Variants in CNTNAP5 observed in about 807,000 individuals in gnomAD.
CNTNAP5 encodes the protein contactin associated protein family member 5.
A neutral mutation model predicts 150.2 loss-of-function variants in CNTNAP5; 72 were observed. The observed-to-expected ratio is 0.48, with a 90% CI of 0.40 to 0.58. CNTNAP5 has a LOEUF of 0.58. CNTNAP5 is among the 20% of genes least tolerant of loss of function. The pLI is 0.00. For synonymous variants in CNTNAP5, 672 were observed against 619.8 expected (o/e 1.08, Z -1.25); for missense variants, 1,636 against 1,626.2 (o/e 1.01, Z -0.10).
At chr2:124,667,987 C>T (rs1461942797) in intron 13 of CNTNAP5, among the ~76,000 whole-genome samples, 2 of 152,182 alleles carry the variant, frequency 1.3e-5, no homozygotes, top group African/African-American at 4.8e-5. Flanking sequence ...TATGATGGAA[C>T]TAGTTCATCA....
intron 19 of CNTNAP5, among the ~76,000 whole-genome samples, chr2:124,843,833 A>G (rs1682993801): frequency 6.6e-6 from 1 of 151,894 alleles, no homozygotes; most frequent in Admixed American, 6.6e-5. Flanking sequence ...TCATGTCCTT[A>G]GCCCACTTTT....
At chr2:124,438,776 A>G (rs1259890330) in intron 5 of CNTNAP5, among the ~76,000 whole-genome samples, 2 of 152,186 alleles carry the variant, frequency 1.3e-5, no homozygotes, top group Non-Finnish European at 2.9e-5. Flanking sequence ...AATACTATAA[A>G]AGTTTTTTTT....
intron 13 of CNTNAP5, among the ~76,000 whole-genome samples, chr2:124,662,645 C>T (rs534335692): frequency 6.6e-6 from 1 of 152,148 alleles, no homozygotes; most frequent in Non-Finnish European, 1.5e-5. Context: ...AAAGCCCATA[C>T]AAAGTCACAG....
intron 3 of CNTNAP5, among the ~76,000 whole-genome samples, chr2:124,348,833 A>T (rs1689802194): frequency 6.6e-6 from 1 of 152,180 alleles, no homozygotes; most frequent in Non-Finnish European, 1.5e-5. Context: ...CATTGTGTGT[A>T]CATGAGTGCA....
intron 21 of CNTNAP5, among the ~76,000 whole-genome samples, chr2:124,876,987 A>G (rs1327761471): frequency 6.6e-6 from 1 of 152,100 alleles, no homozygotes; most frequent in Non-Finnish European, 1.5e-5. Context: ...TCTACTTTGT[A>G]GATAACCAGC....
intron 21 of CNTNAP5, among the ~76,000 whole-genome samples, chr2:124,885,289 A>T (rs1558813251): frequency 6.6e-6 from 1 of 151,940 alleles, no homozygotes; most frequent in Non-Finnish European, 1.5e-5. Context: ...CCCTTACTTA[A>T]AGTCAACTGA....
intron 22 of CNTNAP5, among the ~76,000 whole-genome samples, chr2:124,905,124 T>G (rs1678507195): frequency 2.5e-5 from 3 of 121,926 alleles, no homozygotes; most frequent in Admixed American, 1.6e-4. Context: ...TTGTTTTTTT[T>G]TGTTTTTTTT....
chr2:124,360,851 G>T (rs979498645), intron 3 of CNTNAP5, among the ~76,000 whole-genome samples: 1 of 130,326 alleles, frequency 7.7e-6, no homozygotes, highest in African/African-American at 3.0e-5. Context: ...TCTGAACGTT[G>T]GCCTGCCTTG....
chr2:124,494,082 CTG>C lies in CNTNAP5; in HGVS notation c.1063-10197_1063-10196del, dbSNP rs991017149. 9.2e-5 allele frequency among the ~76,000 whole-genome samples: 9 copies of C among 98,298 alleles called. No homozygotes were observed. The East Asian group carries it at 1.6e-3, about 18-fold the overall frequency. The allele number at this position is 98,298 out of a possible 152,430, so 64.5% of individuals were successfully genotyped here. ...GGAGACTGTGTGTGTGTGTGTGTGTCTGTGTGTGTGTGTGCCTGTGTGTGTGG... is the reference window on the plus strand; with the variant it reads ...GGAGACTGTGTGTGTGTGTGTGTGTCTGTGTGTGTGTGCCTGTGTGTGTGG... On this transcript the variant is annotated intron_variant, in intron 7 of 23. Coordinates refer to ENST00000682447, the MANE Select transcript of CNTNAP5 (RefSeq NM_001367498.1).
At chr2:124,283,335 G>A (rs1688063490) in intron 3 of CNTNAP5, among the ~76,000 whole-genome samples, 1 of 152,186 alleles carries the variant, frequency 6.6e-6, no homozygotes, top group East Asian at 1.9e-4. Context: ...GATGCTGTTG[G>A]GAGGTTAAGT....
At chr2:124,060,385 G>A (rs1681975579) in intron 1 of CNTNAP5, among the ~76,000 whole-genome samples, 1 of 152,198 alleles carries the variant, frequency 6.6e-6, no homozygotes, top group Non-Finnish European at 1.5e-5. Context: ...AACAGATTGG[G>A]GGACCGATAA....
chr2:124,618,781 T>C (rs1677542972), intron 12 of CNTNAP5, among the ~76,000 whole-genome samples: 1 of 152,142 alleles, frequency 6.6e-6, no homozygotes. Context: ...GGGAAAATGA[T>C]TAAAATTCAT....
At chr2:124,319,988 A>G (rs1015879706) in intron 3 of CNTNAP5, among the ~76,000 whole-genome samples, 1 of 152,246 alleles carries the variant, frequency 6.6e-6, no homozygotes, top group African/African-American at 2.4e-5. Flanking sequence ...CTCCAAGTCA[A>G]TAGATATGAT....
At chr2:124,710,788 T>G (rs1679790314) in intron 13 of CNTNAP5, among the ~76,000 whole-genome samples, 1 of 152,200 alleles carries the variant, frequency 6.6e-6, no homozygotes, top group Admixed American at 6.5e-5. Flanking sequence ...CAAACATGTC[T>G]TAATCGTTAT....
At chr2:124,337,348 C>A (rs1433344266) in intron 3 of CNTNAP5, among the ~76,000 whole-genome samples, 1 of 152,130 alleles carries the variant, frequency 6.6e-6, no homozygotes, top group African/African-American at 2.4e-5. Context: ...ATGGTACTTT[C>A]TTTTGCTGCG....
chr2:124,696,190 A>G lies in CNTNAP5; in HGVS notation c.2077+48232A>G, dbSNP rs1679403766. On this transcript the variant is annotated intron_variant, in intron 13 of 23. Transcript: ENST00000682447. ...CTGGAATGATTCCTATTAAAAGTGA[A>G]GAAATGTTACTGGAGTGAAGTTTGG... 3.9e-5 allele frequency among the ~76,000 whole-genome samples: 6 copies of G among 152,158 alleles called. No homozygotes were observed. In the South Asian group the frequency reaches 1.2e-3, roughly 31 times the overall value.
intron 3 of CNTNAP5, among the ~76,000 whole-genome samples, chr2:124,390,129 T>C (rs1220734667): frequency 6.6e-6 from 1 of 152,178 alleles, no homozygotes; most frequent in Admixed American, 6.5e-5. Context: ...GAGATGAGCA[T>C]GAATCAATCT....
chr2:124,633,404 G>C (rs890720587), intron 12 of CNTNAP5, among the ~76,000 whole-genome samples: 3 of 152,248 alleles, frequency 2.0e-5, no homozygotes, highest in Non-Finnish European at 2.9e-5. Flanking sequence ...CAGCAGGGCA[G>C]TCATTACCTT....
intron 1 of CNTNAP5, among the ~76,000 whole-genome samples, chr2:124,205,997 A>G (rs1458422428): frequency 2.0e-5 from 3 of 152,250 alleles, no homozygotes; most frequent in African/African-American, 7.2e-5. Context: ...TCGTTTGAGT[A>G]TATTCTGATA....
Sources: gnomAD v4.1 joint callset for allele counts (sites outside exome capture counted in the v4.1 genomes callset) on GRCh38, gnomAD v4.1.1 for gene constraint, MANE v1.5 for transcripts, NCBI Gene and HGNC (gene_info 2026-07-23, HGNC 2026-07-21) for gene names.